The following PRKG1 variants were observed in gnomAD, a reference collection of about 807,000 sequenced individuals.
PRKG1 encodes cGMP-dependent protein kinase 1.
Under a neutral mutation model 88.1 loss-of-function variants are expected in PRKG1, and 35 were observed. The observed-to-expected ratio is 0.40, with a 90% CI of 0.30 to 0.53. PRKG1 has a LOEUF of 0.53. Ranked by LOEUF, PRKG1 falls within the 20% of genes least tolerant of loss-of-function variation. PRKG1 has a pLI of 0.59. For missense variants in PRKG1, 540 were observed against 839.8 expected (o/e 0.64, Z 4.41); for synonymous variants, 303 against 292.5 (o/e 1.04, Z -0.37).
At chr10:51,541,835 TTAAC>T (rs1412949449) in intron 3 of PRKG1, among the ~76,000 whole-genome samples, 3 of 152,162 alleles carry the variant, frequency 2.0e-5, no homozygotes, top group Non-Finnish European at 4.4e-5. Context: ...CCAATTTACT[TTAAC>T]TAGTATTTTA....
At chr10:52,132,862 A>G (rs1015913477) in intron 7 of PRKG1, among the ~76,000 whole-genome samples, 2 of 152,062 alleles carry the variant, frequency 1.3e-5, no homozygotes, top group African/African-American at 2.4e-5. Context: ...AGTACATGAG[A>G]TGTTTTGATA....
At chr10:52,009,479 T>G (rs928533623) in intron 5 of PRKG1, among the ~76,000 whole-genome samples, 3 of 151,906 alleles carry the variant, frequency 2.0e-5, no homozygotes, top group African/African-American at 7.2e-5. Flanking sequence ...AGGTGAAAGA[T>G]CTCTACAATG....
At chr10:51,507,054 A>G (rs1354928868) in intron 3 of PRKG1, among the ~76,000 whole-genome samples, 1 of 151,996 alleles carries the variant, frequency 6.6e-6, no homozygotes, top group Admixed American at 6.6e-5. Flanking sequence ...TGCAAGGACA[A>G]AACACCAAAC....
intron 5 of PRKG1, among the ~76,000 whole-genome samples, chr10:52,047,991 A>G (rs12768368): frequency 0.16 from 24,430 of 152,084 alleles, 2,495 homozygotes; most frequent in South Asian, 0.26. Context: ...GTTGAGATGT[A>G]CATGAGATAT....
intron 5 of PRKG1, among the ~76,000 whole-genome samples, chr10:52,051,626 G>A (rs769468174): frequency 6.6e-6 from 1 of 152,210 alleles, no homozygotes; most frequent in African/African-American, 2.4e-5. Context: ...GTTACAGGAT[G>A]TACCTTAGGT....
At chr10:52,214,407 T>C (rs1049253108) in intron 9 of PRKG1, among the ~76,000 whole-genome samples, 3 of 152,118 alleles carry the variant, frequency 2.0e-5, no homozygotes, top group African/African-American at 7.2e-5. Context: ...AACTTTGATA[T>C]CACACATACA....
intron 1 of PRKG1, among the ~76,000 whole-genome samples, chr10:51,098,391 C>T (rs1844595669): frequency 6.6e-6 from 1 of 152,116 alleles, no homozygotes; most frequent in Non-Finnish European, 1.5e-5. Context: ...TCCCAGAGGT[C>T]CTGAATTGGA....
intron 5 of PRKG1, among the ~76,000 whole-genome samples, chr10:52,034,478 T>A (rs574531744): frequency 1.3e-5 from 2 of 151,552 alleles, no homozygotes; most frequent in Non-Finnish European, 2.9e-5. Flanking sequence ...TTTGGATGAA[T>A]TGAGAAACTA....
chr10:52,021,120 A>G (rs977271520), intron 5 of PRKG1, among the ~76,000 whole-genome samples: 1 of 152,144 alleles, frequency 6.6e-6, no homozygotes, highest in African/African-American at 2.4e-5. Context: ...GATGTCCCAA[A>G]AACTAAGCTG....
chr10:51,073,025 C>T (rs1843855552), upstream of PRKG1, among the ~76,000 whole-genome samples: 1 of 152,038 alleles, frequency 6.6e-6, no homozygotes, highest in African/African-American at 2.4e-5. Context: ...ATATTGAGTG[C>T]CCAAGAATAG....
chr10:51,659,814 T>A (rs1005882369), intron 3 of PRKG1, among the ~76,000 whole-genome samples: 1 of 152,086 alleles, frequency 6.6e-6, no homozygotes, highest in African/African-American at 2.4e-5. Flanking sequence ...CTAAGCTTTG[T>A]TAGTTTTTGA....
chr10:51,526,152 T>G (rs1409945463), intron 3 of PRKG1, among the ~76,000 whole-genome samples: 1 of 152,172 alleles, frequency 6.6e-6, no homozygotes, highest in African/African-American at 2.4e-5. Flanking sequence ...AAAATGTGAT[T>G]AGCTTTAATT....
At chr10:51,349,162 C>T (rs1202330143) in intron 2 of PRKG1, among the ~76,000 whole-genome samples, 1 of 152,134 alleles carries the variant, frequency 6.6e-6, no homozygotes, top group Non-Finnish European at 1.5e-5. Context: ...CCTGACATAG[C>T]ACATCTCAAA....
At chr10:51,448,020 A>G (rs1839324827) in intron 2 of PRKG1, among the ~76,000 whole-genome samples, 1 of 151,984 alleles carries the variant, frequency 6.6e-6, no homozygotes, top group South Asian at 2.1e-4. Context: ...CTTGCTTATC[A>G]AAAGCATAGA....
intron 5 of PRKG1, among the ~76,000 whole-genome samples, chr10:51,961,290 G>C (rs76979635): frequency 6.6e-6 from 1 of 152,030 alleles, no homozygotes; most frequent in Non-Finnish European, 1.5e-5. Context: ...GTTGACCCTC[G>C]TGTCCACGGG....
chr10:51,847,840 TAAAAAAAAAAAAA>T (rs766423513), intron 4 of PRKG1, among the ~76,000 whole-genome samples: 359 of 35,216 alleles, frequency 0.01, 3 homozygotes, highest in Middle Eastern at 0.024. Context: ...AAGACTCTGT[TAAAAAAAAAAAAA>T]AAAAAAAAAA....
chr10:52,123,878 G>A (rs1199342628), intron 7 of PRKG1, among the ~76,000 whole-genome samples: 2 of 152,018 alleles, frequency 1.3e-5, no homozygotes, highest in African/African-American at 2.4e-5. Flanking sequence ...TCCAGACACT[G>A]AATGATGTGG....
chr10:52,175,305 A>T (rs934658001), intron 9 of PRKG1, among the ~76,000 whole-genome samples: 2 of 152,076 alleles, frequency 1.3e-5, no homozygotes, highest in African/African-American at 4.8e-5. Context: ...ATATCGCCAC[A>T]AACAACAGAA....
intron 3 of PRKG1, among the ~76,000 whole-genome samples, chr10:51,779,517 C>T (rs992823298): frequency 6.6e-6 from 1 of 152,082 alleles, no homozygotes; most frequent in African/African-American, 2.4e-5. Flanking sequence ...TTTCATAAAA[C>T]AGTATGTTTC....
Sources: gnomAD v4.1 joint callset for allele counts (sites outside exome capture counted in the v4.1 genomes callset) on GRCh38, gnomAD v4.1.1 for gene constraint, MANE v1.5 for transcripts, NCBI Gene and HGNC (gene_info 2026-07-23, HGNC 2026-07-21) for gene names.